The following FAM114A2 variants were observed in gnomAD, a reference collection of about 807,000 sequenced individuals.
FAM114A2 encodes protein FAM114A2.
In FAM114A2, 53 loss-of-function variants were observed where a neutral mutation model predicts 58.4. The observed-to-expected ratio is 0.91, with a 90% CI of 0.73 to 1.14. The LOEUF (loss-of-function observed/expected upper bound fraction) is 1.14. FAM114A2 is among the 50% of genes most tolerant of loss of function. FAM114A2 has a pLI of 0.00. For missense variants in FAM114A2, 601 were observed against 581.1 expected (o/e 1.03, Z -0.35); for synonymous variants, 228 against 211.4 (o/e 1.08, Z -0.68).
intron 9 of FAM114A2, among the ~76,000 whole-genome samples, chr5:154,005,911 G>A (rs981533274): frequency 1.3e-5 from 2 of 152,210 alleles, no homozygotes; most frequent in African/African-American, 4.8e-5. Flanking sequence ...GTTAGGCCTT[G>A]AAGGATCAGC....
chr5:154,008,049 T>A (rs769228499), intron 9 of FAM114A2, among the ~76,000 whole-genome samples: 3 of 152,176 alleles, frequency 2.0e-5, no homozygotes, highest in African/African-American at 7.2e-5. Context: ...AAGATACACA[T>A]ATTTTTTAAA....
At chr5:153,995,588 T>G (rs954941207) in intron 12 of FAM114A2, among the ~76,000 whole-genome samples, 3 of 152,124 alleles carry the variant, frequency 2.0e-5, no homozygotes, top group Non-Finnish European at 1.5e-5. Context: ...TTAAAACAAA[T>G]GTAATGTTCA....
intron 8 of FAM114A2, 125 bp from the exon 9 acceptor site, chr5:154,011,445 A>G (rs1770695472): frequency 3.1e-6 from 2 of 636,784 alleles, no homozygotes; most frequent in Non-Finnish European, 5.7e-6. Context: ...CAATAGTAGC[A>G]GCAGTAATGT....
At chr5:153,997,134 A>C (rs1363747942) in intron 12 of FAM114A2, among the ~76,000 whole-genome samples, 1 of 152,222 alleles carries the variant, frequency 6.6e-6, no homozygotes, top group Non-Finnish European at 1.5e-5. Flanking sequence ...GGATACGAAG[A>C]AACTGGAACC....
chr5:153,994,823 T>C (rs531227785), intron 13 of FAM114A2, 96 bp downstream of exon 13: 1 of 751,070 alleles, frequency 1.3e-6, no homozygotes, highest in Admixed American at 2.0e-5. Context: ...ACTACCAATA[T>C]GGTGAATAAA....
intron 4 of FAM114A2, 70 bp downstream of exon 4, chr5:154,033,721 T>G: frequency 1.1e-6 from 1 of 880,660 alleles, no homozygotes; most frequent in Non-Finnish European, 1.9e-6. Flanking sequence ...AATAAATACC[T>G]ACTGAAAAAT....
intron 11 of FAM114A2, among the ~76,000 whole-genome samples, chr5:153,998,881 AG>A (rs1769767584): frequency 6.6e-6 from 1 of 152,242 alleles, no homozygotes; most frequent in Non-Finnish European, 1.5e-5. Context: ...GCCAAAGAGA[AG>A]CTATAAAGTG....
intron 9 of FAM114A2, among the ~76,000 whole-genome samples, chr5:154,003,290 T>C (rs1770128475): frequency 6.6e-6 from 1 of 151,758 alleles, no homozygotes; most frequent in African/African-American, 2.4e-5. Context: ...GCGATTCTCC[T>C]GCCTTAGCCT....
intron 7 of FAM114A2, among the ~76,000 whole-genome samples, chr5:154,026,840 C>G (rs1771812978): frequency 6.7e-6 from 1 of 148,650 alleles, no homozygotes; most frequent in African/African-American, 2.5e-5. Flanking sequence ...AAATTGGCAG[C>G]TCAAGTCAAC....
intron 11 of FAM114A2, among the ~76,000 whole-genome samples, chr5:154,001,365 G>A (rs991190703): frequency 4.6e-5 from 7 of 152,182 alleles, no homozygotes; most frequent in African/African-American, 7.2e-5. Flanking sequence ...TGAATTCAGA[G>A]AGGGAGTGAA....
intron 12 of FAM114A2, among the ~76,000 whole-genome samples, chr5:153,995,549 TAA>T (rs1769499234): frequency 1.3e-5 from 2 of 152,210 alleles, no homozygotes; most frequent in South Asian, 4.2e-4. Flanking sequence ...ACTCAAATTT[TAA>T]AAAATTAACT....
intron 9 of FAM114A2, among the ~76,000 whole-genome samples, chr5:154,007,759 T>C (rs1169811731): frequency 1.3e-5 from 2 of 152,222 alleles, no homozygotes; most frequent in African/African-American, 4.8e-5. Context: ...CAGCTACATG[T>C]AGAGGACATC....
At chr5:154,035,720 G>A (rs1482857806) in intron 1 of FAM114A2, among the ~76,000 whole-genome samples, 1 of 152,090 alleles carries the variant, frequency 6.6e-6, no homozygotes, top group Non-Finnish European at 1.5e-5. Context: ...GCAACTGCTG[G>A]GTCATATGGT....
intron 8 of FAM114A2, among the ~76,000 whole-genome samples, chr5:154,016,218 C>A (rs1190453533): frequency 6.6e-6 from 1 of 151,624 alleles, no homozygotes; most frequent in East Asian, 1.9e-4. Flanking sequence ...GAAAACTTCC[C>A]CAGCCTTGTT....
chr5:154,038,779 C>T (rs1465867879), intron 1 of FAM114A2, 78 bp downstream of exon 1: 1 of 152,590 alleles, frequency 6.6e-6, no homozygotes, highest in African/African-American at 2.4e-5. Context: ...CAGGTCACCG[C>T]CTCCCTAACG....
chr5:154,027,029 A>C lies in FAM114A2; in HGVS notation c.789+147T>G, dbSNP rs973951534. ...TAGTTCAATCAAACATTAGTTTTTA[A>C]ATTTATTTTGTGGTAGTATTTCGAA... is the stretch of plus-strand genomic sequence containing the variant. On this transcript the variant is annotated intron_variant, in intron 7 of 13. Coordinates refer to ENST00000351797, the MANE Select transcript of FAM114A2 (RefSeq NM_018691.4). 8.5e-6 allele frequency: 5 copies of C among 590,764 alleles called. No homozygotes were observed. In the African/African-American group the frequency reaches 9.3e-5, roughly 11 times the overall value. The allele number at this position is 590,764 out of a possible 1,614,324, so 36.6% of individuals were successfully genotyped here.
At chr5:154,015,697 A>ATATG (rs1770994227) in intron 8 of FAM114A2, among the ~76,000 whole-genome samples, 1 of 152,162 alleles carries the variant, frequency 6.6e-6, no homozygotes, top group Admixed American at 6.5e-5. Flanking sequence ...AACTCTGGTA[A>ATATG]TATGACAAAA....
chr5:154,033,410 A>C (rs948344602), intron 4 of FAM114A2, among the ~76,000 whole-genome samples: 4 of 152,208 alleles, frequency 2.6e-5, no homozygotes, highest in Non-Finnish European at 5.9e-5. Flanking sequence ...CCCCCAAAAC[A>C]ATACATTAAA....
intron 6 of FAM114A2, chr5:154,027,594 G>A (rs1771877795): frequency 3.6e-6 from 1 of 281,368 alleles, no homozygotes; most frequent in Non-Finnish European, 6.6e-6. Context: ...TCTGCCTCTC[G>A]GGTTTAAGCT....
Sources: allele counts gnomAD v4.1 joint callset (sites outside exome capture counted in the v4.1 genomes callset), GRCh38; gene constraint gnomAD v4.1.1; transcripts MANE v1.5; gene names NCBI Gene and HGNC (gene_info 2026-07-23, HGNC 2026-07-21).